HECW1: variants seen among roughly 807,000 people sequenced by gnomAD.
HECW1 encodes the protein E3 ubiquitin-protein ligase HECW1.
A neutral mutation model predicts 182.3 loss-of-function variants in HECW1; 61 were observed. That is an observed-to-expected ratio of 0.33 (90% CI 0.27 to 0.41). The LOEUF is 0.41. HECW1 is among the 10% of genes least tolerant of loss of function. The pLI, the probability that HECW1 is intolerant of heterozygous loss-of-function variation, is 1.00. For synonymous variants in HECW1, 859 were observed against 832.6 expected (o/e 1.03, Z -0.55); for missense variants, 1,739 against 2,108.9 (o/e 0.82, Z 3.44).
intron 2 of HECW1, among the ~76,000 whole-genome samples, chr7:43,189,883 A>G (rs1562651895): frequency 1.3e-5 from 2 of 152,234 alleles, no homozygotes; most frequent in Non-Finnish European, 2.9e-5. Context: ...TATAGAATAC[A>G]GTAGCAGACC....
chr7:43,506,303 A>T (rs1327781735), intron 21 of HECW1, among the ~76,000 whole-genome samples: 1 of 152,198 alleles, frequency 6.6e-6, no homozygotes, highest in Non-Finnish European at 1.5e-5. Flanking sequence ...TTCTTGTAGC[A>T]ACTTACAAGA....
chr7:43,227,925 A>G (rs1312325014), intron 2 of HECW1, among the ~76,000 whole-genome samples: 2 of 152,224 alleles, frequency 1.3e-5, no homozygotes, highest in African/African-American at 2.4e-5. Context: ...TATGTTATTC[A>G]CATGCACCCA....
intron 2 of HECW1, among the ~76,000 whole-genome samples, chr7:43,179,793 G>A (rs975030507): frequency 3.9e-5 from 6 of 152,178 alleles, no homozygotes; most frequent in Non-Finnish European, 8.8e-5. Context: ...ATACCTCAGT[G>A]TTATATAAAA....
At chr7:43,189,827 T>C (rs967466700) in intron 2 of HECW1, among the ~76,000 whole-genome samples, 1 of 152,216 alleles carries the variant, frequency 6.6e-6, no homozygotes, top group Non-Finnish European at 1.5e-5. Flanking sequence ...TCTCATAAAA[T>C]GTCAGTCAGG....
chr7:43,165,351 C>G (rs1790989113), intron 2 of HECW1, among the ~76,000 whole-genome samples: 1 of 150,052 alleles, frequency 6.7e-6, no homozygotes, highest in Non-Finnish European at 1.5e-5. Flanking sequence ...AATTATGTTA[C>G]ATATCATGAG....
intron 25 of HECW1, among the ~76,000 whole-genome samples, chr7:43,541,634 A>G (rs2081367136): frequency 6.6e-6 from 1 of 152,244 alleles, no homozygotes; most frequent in African/African-American, 2.4e-5. Flanking sequence ...AGAGTCCCTG[A>G]GTCAATAGTT....
At chr7:43,437,832 G>A (rs186369336) in intron 8 of HECW1, among the ~76,000 whole-genome samples, 171 bp from the exon 9 acceptor site, 27 of 152,090 alleles carry the variant, frequency 1.8e-4, no homozygotes, top group Admixed American at 7.9e-4. Context: ...GCATCTTGTC[G>A]CTGCCCCTCA....
chr7:43,466,471 C>G lies in HECW1; in HGVS notation c.2816C>G (p.Ser939Cys). 1.9e-6 allele frequency: 3 copies of G among 1,613,778 alleles called. No homozygotes were observed. Among genetic ancestry groups the G allele is most frequent in the Non-Finnish European group, 2.5e-6 (3 of 1,179,744 alleles). ...SLDLRREGSL[S>C]PVNSQKITLL... is the part of the protein sequence containing the mutation. ...GATCTAAGGAGAGAAGGGTCACTTT[C>G]TCCAGTGAACTCACAAAAAATCACC... The change falls in exon 15 of 30, where the codon TCT becomes TGT. Residue 939 changes from serine (S) to cysteine (C), a missense_variant. Around this residue, in one of 5 missense-constraint regions of HECW1, gnomAD observed 971 missense variants for 1,029.1 expected, o/e 0.94. Transcript: ENST00000395891.
At chr7:43,385,530 G>A (rs549150519) in intron 6 of HECW1, among the ~76,000 whole-genome samples, 9 of 151,684 alleles carry the variant, frequency 5.9e-5, no homozygotes, top group Non-Finnish European at 1.3e-4. Context: ...TAAAGCCTGG[G>A]GCAGCTCCTA....
intron 2 of HECW1, among the ~76,000 whole-genome samples, chr7:43,168,718 C>G (rs1554297776): frequency 6.6e-6 from 1 of 151,906 alleles, no homozygotes; most frequent in Non-Finnish European, 1.5e-5. Context: ...ATAAGAGACA[C>G]ATACATAGAC....
intron 2 of HECW1, among the ~76,000 whole-genome samples, chr7:43,228,548 C>T (rs1210230481): frequency 6.6e-6 from 1 of 152,146 alleles, no homozygotes; most frequent in Non-Finnish European, 1.5e-5. Context: ...GAGAAGAACA[C>T]TTGCATGGAT....
chr7:43,164,058 G>A (rs566754495), intron 2 of HECW1, among the ~76,000 whole-genome samples: 38 of 152,180 alleles, frequency 2.5e-4, no homozygotes, highest in African/African-American at 9.2e-4. Flanking sequence ...GCAGCGAAGA[G>A]AGCGGTTGGA....
At chr7:43,286,984 G>C (rs1391292983) in intron 3 of HECW1, among the ~76,000 whole-genome samples, 1 of 152,114 alleles carries the variant, frequency 6.6e-6, no homozygotes, top group Non-Finnish European at 1.5e-5. Context: ...GTAATTTGCT[G>C]TGTCCCGGGC....
At chr7:43,363,186 G>A (rs1816181490) in intron 6 of HECW1, among the ~76,000 whole-genome samples, 1 of 152,110 alleles carries the variant, frequency 6.6e-6, no homozygotes, top group Admixed American at 6.6e-5. Flanking sequence ...CCCAGAAAAT[G>A]GCCTCTAAAG....
At chr7:43,198,424 C>T (rs1008497100) in intron 2 of HECW1, among the ~76,000 whole-genome samples, 3 of 150,372 alleles carry the variant, frequency 2.0e-5, no homozygotes, top group Non-Finnish European at 4.4e-5. Flanking sequence ...CTCTTACACT[C>T]ATACTCACAT....
At chr7:43,374,921 T>C (rs982488202) in intron 6 of HECW1, among the ~76,000 whole-genome samples, 5 of 151,750 alleles carry the variant, frequency 3.3e-5, no homozygotes, top group Non-Finnish European at 5.9e-5. Flanking sequence ...TAATAAAATA[T>C]ATATGTAGGT....
At chr7:43,545,470 A>G (rs1332961728) in intron 26 of HECW1, among the ~76,000 whole-genome samples, 1 of 152,158 alleles carries the variant, frequency 6.6e-6, no homozygotes, top group Non-Finnish European at 1.5e-5. Flanking sequence ...AATAATGTAC[A>G]GTTGACCCTT....
intron 5 of HECW1, among the ~76,000 whole-genome samples, chr7:43,356,852 G>A (rs956157947): frequency 1.3e-5 from 2 of 152,086 alleles, no homozygotes; most frequent in Non-Finnish European, 2.9e-5. Flanking sequence ...TAGAAATACA[G>A]CATACCAAAA....
chr7:43,227,121 C>G (rs1171238137), intron 2 of HECW1, among the ~76,000 whole-genome samples: 2 of 152,110 alleles, frequency 1.3e-5, no homozygotes, highest in Non-Finnish European at 2.9e-5. Context: ...ATTTAATGCC[C>G]AGTGTCCTGC....
Sources: gnomAD v4.1 joint callset for allele counts (sites outside exome capture counted in the v4.1 genomes callset) on GRCh38, gnomAD v4.1.1 for gene constraint, gnomAD v4.1.1 regional missense constraint, MANE v1.5 for transcripts, NCBI Gene and HGNC (gene_info 2026-07-23, HGNC 2026-07-21) for gene names.